ADARB1: variants seen among roughly 807,000 people sequenced by gnomAD.
The protein encoded by ADARB1 is adenosine deaminase RNA specific B1, also known as double-stranded RNA-specific editase 1.
Under a neutral mutation model 52.4 loss-of-function variants are expected in ADARB1, and 10 were observed. That is an observed-to-expected ratio of 0.19 (90% CI 0.12 to 0.32). The LOEUF is 0.32. ADARB1 is among the 10% of genes least tolerant of loss of function. The pLI is 1.00. For synonymous variants in ADARB1, 349 were observed against 371.1 expected (o/e 0.94, Z 0.68); for missense variants, 643 against 922.3 (o/e 0.70, Z 3.92).
chr21:45,225,610 A>C lies in ADARB1; in HGVS notation c.*3413A>C, dbSNP rs2093048286. The stretch of plus-strand genomic sequence containing the variant: ...CACAGATCTGAGGATGGGATTAGCG[A>C]AGCTGTGGAGACTGCACATCCGGAC... On this transcript the variant is annotated 3_prime_UTR_variant, in exon 11 of 11. Transcript: ENST00000348831. 7.7e-7 allele frequency: 1 copy of C among 1,306,484 alleles called. No individual in the cohort carries two copies. The highest frequency in any genetic ancestry group is 1.5e-5 in the African/African-American group (1 of 66,214). The allele number at this position is 1,306,484 out of a possible 1,614,324, so 80.9% of individuals were successfully genotyped here. A position where few individuals can be genotyped will look rare whatever the true frequency, so the allele number is the denominator to read the frequency against.
intron 2 of ADARB1, among the ~76,000 whole-genome samples, chr21:45,156,395 C>G (rs1392451305): frequency 6.7e-6 from 1 of 150,246 alleles, no homozygotes; most frequent in African/African-American, 2.5e-5. Context: ...ATCCATCCAT[C>G]CATCCATCCA....
intron 1 of ADARB1, among the ~76,000 whole-genome samples, chr21:45,102,748 TGAG>T (rs1287008132): frequency 1.3e-5 from 2 of 152,154 alleles, no homozygotes; most frequent in African/African-American, 4.8e-5. Flanking sequence ...GACTGATAAA[TGAG>T]GAGAAAAGAC....
At chr21:45,109,752 C>T (rs1348777405) in intron 1 of ADARB1, among the ~76,000 whole-genome samples, 1 of 152,192 alleles carries the variant, frequency 6.6e-6, no homozygotes, top group African/African-American at 2.4e-5. Flanking sequence ...CGTCTTGATG[C>T]CCCTCTTTCT....
At chr21:45,150,115 C>G (rs1270257747) in intron 2 of ADARB1, among the ~76,000 whole-genome samples, 1 of 152,200 alleles carries the variant, frequency 6.6e-6, no homozygotes, top group Admixed American at 6.5e-5. Flanking sequence ...GAAACCCCGT[C>G]TCTACTAAAA....
rs1177019898 is a variant in ADARB1 at position 45,208,517 on chromosome 21, CATT to C, written c.1747+3784_1747+3786del. On this transcript the variant is annotated intron_variant, in intron 9 of 10. Coordinates refer to ENST00000348831, the MANE Select transcript of ADARB1 (RefSeq NM_001112.4). This position sits in a 1 kb window ranked among gnomAD's most constrained non-coding sequence, Gnocchi z 5.6. The stretch of plus-strand genomic sequence containing the variant: ...CTGCTATCCACCCGAGACCATTTGA[CATT>C]ATGGGCAGGAAGAGCAAGGGAAGCT... Among the ~76,000 whole-genome samples the C allele has an allele frequency of 6.6e-6, 1 of 152,122 alleles. No homozygotes were observed. Among genetic ancestry groups the C allele is most frequent in the Non-Finnish European group, 1.5e-5 (1 of 68,028 alleles).
chr21:45,172,421 A>G lies in ADARB1; in HGVS notation c.28+737A>G, dbSNP rs749225568. Among the ~76,000 whole-genome samples the G allele has an allele frequency of 9.9e-5, 15 of 152,218 alleles. No homozygotes were observed. Among genetic ancestry groups the G allele is most frequent in the Non-Finnish European group, 1.3e-4 (9 of 68,036 alleles). On this transcript the variant is annotated intron_variant, in intron 3 of 10. Coordinates refer to ENST00000348831, the MANE Select transcript of ADARB1 (RefSeq NM_001112.4). This position sits in a 1 kb window ranked among gnomAD's most constrained non-coding sequence, Gnocchi z 4.4. ...TTTACCTTCTTACTTGTCTGAAGGA[A>G]TAACATGCAGCTGTCAATGATGAGT...
At position 45,180,202 on chromosome 21, in the gene ADARB1, C is replaced by G. The variant is rs1253383318; in HGVS notation, c.964-128C>G. Reference sequence around the variant, plus strand: ...ACACATACTTGTTTGCCAGATTTACCTGTGTGGTCTTCCAGATGAGAAGCA... The same window carrying G: ...ACACATACTTGTTTGCCAGATTTACGTGTGTGGTCTTCCAGATGAGAAGCA... On this transcript the variant is annotated intron_variant, in intron 4 of 10. Coordinates refer to ENST00000348831, the MANE Select transcript of ADARB1 (RefSeq NM_001112.4). 4 of 685,636 alleles carry G rather than the reference C, an allele frequency of 5.8e-6. No homozygotes were observed. In the East Asian group the frequency reaches 1.1e-4, roughly 19 times the overall value. The allele number at this position is 685,636 out of a possible 1,614,324, so 42.5% of individuals were successfully genotyped here.
chr21:45,144,215 A>T (rs955374047), intron 2 of ADARB1, among the ~76,000 whole-genome samples: 2 of 152,230 alleles, frequency 1.3e-5, no homozygotes, highest in Non-Finnish European at 2.9e-5. Context: ...TAGAATTCTA[A>T]TAAACTCATA....
chr21:45,176,059 T>A lies in ADARB1; in HGVS notation c.358T>A (p.Phe120Ile). The A allele has an allele frequency of 6.2e-7, 1 of 1,614,162 alleles. No homozygotes were observed. Among genetic ancestry groups the A allele is most frequent in the Non-Finnish European group, 8.5e-7 (1 of 1,180,028 alleles). Residue 120 changes from phenylalanine (F) to isoleucine (I), a missense_variant, in exon 4 of 11, where the codon TTT (phenylalanine) becomes ATT (isoleucine). Transcript: ENST00000348831. The surrounding 1 kb of genome is among the most constrained non-coding windows in gnomAD (Gnocchi z 5.8). ...GTCTGTGGAGGTGAATGGCCAGGTT[T>A]TTGAGGGCTCTGGTCCCACAAAGAA... The part of the protein sequence containing the change: ...VMSVEVNGQV[F>I]EGSGPTKKKA...
chr21:45,118,776 G>A (rs2087975354), intron 1 of ADARB1, among the ~76,000 whole-genome samples: 1 of 152,186 alleles, frequency 6.6e-6, no homozygotes, highest in South Asian at 2.1e-4. Flanking sequence ...TTTGGAGAGC[G>A]ATTCTCAGGT....
chr21:45,120,350 A>G (rs925034664), intron 1 of ADARB1, among the ~76,000 whole-genome samples: 4 of 152,234 alleles, frequency 2.6e-5, no homozygotes, highest in African/African-American at 9.6e-5. Flanking sequence ...AGAAAAATTC[A>G]TCTGTGCATA....
Position 45,224,645 on chromosome 21 carries a change from GTCA to G in ADARB1, c.*2449_*2451del. 1 of 916,550 alleles carries G rather than the reference GTCA, an allele frequency of 1.1e-6. No homozygotes were observed. Among genetic ancestry groups the G allele is most frequent in the Non-Finnish European group, 1.3e-6 (1 of 785,278 alleles). 56.8% of individuals were successfully genotyped at this position (916,550 alleles called of 1,614,324 possible). A position where few individuals can be genotyped will look rare whatever the true frequency, so the allele number is the denominator to read the frequency against. On this transcript the variant is annotated 3_prime_UTR_variant, in exon 11 of 11. Coordinates refer to ENST00000348831, the MANE Select transcript of ADARB1 (RefSeq NM_001112.4). ...TCAGGGAGCCCTGGGCGGGGTGGCT[GTCA>G]GGGGGAACTGGGTTCCGGGAGCCCT...
chr21:45,116,584 G>A (rs1390798182), intron 1 of ADARB1, among the ~76,000 whole-genome samples: 1 of 152,224 alleles, frequency 6.6e-6, no homozygotes, highest in Non-Finnish European at 1.5e-5. Context: ...AAGGAAAAAG[G>A]TTTAACAGAC....
At chr21:45,173,396 G>C (rs1207749179) in intron 3 of ADARB1, among the ~76,000 whole-genome samples, 1 of 152,162 alleles carries the variant, frequency 6.6e-6, no homozygotes, top group Non-Finnish European at 1.5e-5. Flanking sequence ...CTTTATGATA[G>C]TAGCATTTTC....
At position 45,176,556 on chromosome 21, in the gene ADARB1, G is replaced by A; in HGVS notation, c.855G>A (p.Lys285=). The change falls in exon 4 of 11, where the codon AAG becomes AAA. Residue 285 remains lysine (K), a synonymous_variant. Coordinates refer to ENST00000348831, the MANE Select transcript of ADARB1 (RefSeq NM_001112.4). The surrounding 1 kb of genome is among the most constrained non-coding windows in gnomAD (Gnocchi z 5.8). ...EGSGRNKKLA[K]ARAAQSALAA... is the part of the protein sequence containing the mutation. The stretch of plus-strand genomic sequence containing the variant: ...CGGGGAGAAACAAGAAGCTTGCCAA[G>A]GCCCGGGCTGCGCAGTCTGCCCTGG... 1.2e-6 allele frequency: 2 copies of A among 1,614,226 alleles called. No homozygotes were observed. Among genetic ancestry groups the A allele is most frequent in the Non-Finnish European group, 1.7e-6 (2 of 1,180,052 alleles).
In ADARB1 at chr21:45,159,968, G is replaced by A. The variant is rs139241075; in HGVS notation, c.-47-11642G>A. Among the ~76,000 whole-genome samples the A allele has an allele frequency of 1.9e-3, 296 of 152,312 alleles. 2 individuals carry two copies. The highest frequency in any genetic ancestry group is 6.8e-3 in the African/African-American group (281 of 41,556). On this transcript the variant is annotated intron_variant, in intron 2 of 10. Coordinates refer to ENST00000348831, the MANE Select transcript of ADARB1 (RefSeq NM_001112.4). ...TGAAAGGAAACTTTCAAAAGTCAACGTATTAAAGCCTGTTTGCATTTATTC... is the reference window on the plus strand; with the variant it reads ...TGAAAGGAAACTTTCAAAAGTCAACATATTAAAGCCTGTTTGCATTTATTC...
chr21:45,183,168 AG>A (rs2091986716), intron 6 of ADARB1, among the ~76,000 whole-genome samples, 193 bp from the exon 7 acceptor site: 2 of 152,218 alleles, frequency 1.3e-5, no homozygotes, highest in Non-Finnish European at 2.9e-5. Flanking sequence ...GAAGAAGGAA[AG>A]GTTACTCACA....
At chr21:45,080,758 G>A (rs776934207) in intron 1 of ADARB1, among the ~76,000 whole-genome samples, 16 of 152,172 alleles carry the variant, frequency 1.1e-4, no homozygotes, top group Non-Finnish European at 2.2e-4. Flanking sequence ...TAGAAGACTC[G>A]GTGCCTGATT....
At chr21:45,141,187 C>A (rs773027181) in intron 2 of ADARB1, among the ~76,000 whole-genome samples, 8 of 152,028 alleles carry the variant, frequency 5.3e-5, no homozygotes, top group Non-Finnish European at 7.4e-5. Context: ...CAGAGCGAGA[C>A]CCTGTCTCAA....
Sources: gnomAD v4.1 joint callset for allele counts (sites outside exome capture counted in the v4.1 genomes callset) on GRCh38, gnomAD v4.1.1 for gene constraint, Gnocchi (gnomAD v3.1) non-coding constraint, MANE v1.5 for transcripts, NCBI Gene and HGNC (gene_info 2026-07-23, HGNC 2026-07-21) for gene names.